HBP1: variants seen among roughly 807,000 people sequenced by gnomAD.
HBP1 encodes the protein HMG box-containing protein 1.
Under a neutral mutation model 62.6 loss-of-function variants are expected in HBP1, and 20 were observed. That is an observed-to-expected ratio of 0.32 (90% CI 0.22 to 0.46). The LOEUF is 0.46. HBP1 is among the 20% of genes least tolerant of loss of function. The pLI is 1.00. For missense variants in HBP1, 480 were observed against 611.8 expected (o/e 0.78, Z 2.27); for synonymous variants, 232 against 206.2 (o/e 1.12, Z -1.07).
At position 107,189,397 on chromosome 7, in the gene HBP1, T is replaced by A. The variant is rs1797540844; in HGVS notation, c.871T>A (p.Leu291Ile). The change falls in exon 7 of 11, where the codon TTA becomes ATA. Residue 291 changes from leucine (L) to isoleucine (I), a missense_variant. Leu to Ile is a conservative substitution (Grantham distance 5, BLOSUM62 2). Around this residue, in one of 4 missense-constraint regions of HBP1, gnomAD observed 58 missense variants for 128.5 expected, o/e 0.45. Coordinates refer to ENST00000222574, the MANE Select transcript of HBP1 (RefSeq NM_012257.4). The part of the protein sequence containing the change: ...TFDPGTVEDG[L>I]LTVECKLDHP... ...TGATCCTGGTACAGTAGAAGATGGTTTACTTACCGTAGAGTGTAAGCTGGA... is the reference window on the plus strand; with the variant it reads ...TGATCCTGGTACAGTAGAAGATGGTATACTTACCGTAGAGTGTAAGCTGGA... The A allele has an allele frequency of 6.2e-7, 1 of 1,612,862 alleles. No individual in the cohort carries two copies.
At chr7:107,197,292 GTTACCACA>G (rs1797957936) in intron 9 of HBP1, among the ~76,000 whole-genome samples, 1 of 152,124 alleles carries the variant, frequency 6.6e-6, no homozygotes, top group Non-Finnish European at 1.5e-5. Flanking sequence ...TCATTACTGT[GTTACCACA>G]GTAATGAATA....
intron 3 of HBP1, among the ~76,000 whole-genome samples, chr7:107,184,677 G>GT (rs1033908484): frequency 2.0e-5 from 3 of 152,116 alleles, no homozygotes; most frequent in Non-Finnish European, 2.9e-5. Context: ...TGCCTGGCTG[G>GT]TTTTTTGTAT....
At chr7:107,190,746 G>T (rs1200371138) in intron 8 of HBP1, among the ~76,000 whole-genome samples, 2 of 152,046 alleles carry the variant, frequency 1.3e-5, no homozygotes, top group Non-Finnish European at 2.9e-5. Context: ...TACTCATTTT[G>T]ACCAAGGGCA....
intron 9 of HBP1, 85 bp downstream of exon 9, chr7:107,196,236 T>A (rs544084493): frequency 1.2e-6 from 1 of 843,748 alleles, no homozygotes; most frequent in East Asian, 2.6e-5. Context: ...AGTAAACTTA[T>A]TCTTTAATAG....
chr7:107,179,771 CAA>C, intron 1 of HBP1, 106 bp from the exon 2 acceptor site: 4 of 595,106 alleles, frequency 6.7e-6, no homozygotes, highest in Non-Finnish European at 8.3e-6. Context: ...GACTATGTCT[CAA>C]AAAAAAAACA....
At position 107,196,002 on chromosome 7, in the gene HBP1, T is replaced by C. The variant is rs1394846108; in HGVS notation, c.1236T>C (p.Ser412=). 3 of 1,614,012 alleles carry C rather than the reference T, an allele frequency of 1.9e-6. No individual in the cohort carries two copies. The highest frequency in any genetic ancestry group is 4.5e-5 in the East Asian group (2 of 44,894). Residue 412 remains serine (S), a synonymous_variant, in exon 9 of 11, where the codon TCT becomes TCC. Transcript: ENST00000222574. ...GATCATCACAGCTCTCTTCCAATTC[T>C]TTGTATGCTAAAGCTGTCAAAAACC... is the stretch of plus-strand genomic sequence containing the variant. ...SPGSSQLSSN[S]LYAKAVKNHS...
chr7:107,197,119 C>T (rs1163902062), intron 9 of HBP1: 1 of 152,178 alleles, frequency 6.6e-6, no homozygotes, highest in African/African-American at 2.4e-5. Context: ...TCAAGTCCTT[C>T]CTACTCTGTT....
Position 107,171,069 on chromosome 7 carries a change from A to ATTTTT in HBP1, c.-16+1885_-16+1886insTTTTT, listed in dbSNP as rs1292839546. On this transcript the variant is annotated intron_variant, in intron 1 of 10. Transcript: ENST00000222574. ...TAAATATATATATATATATATATAT[A>ATTTTT]TATATTTTTTTTTTTTTTTGAGAGG... 2.8e-3 allele frequency among the ~76,000 whole-genome samples: 206 copies of ATTTTT among 72,366 alleles called. 33 individuals are homozygous for ATTTTT. The highest frequency in any genetic ancestry group is 0.019 in the African/African-American group (182 of 9,404). The allele number at this position is 72,366 out of a possible 152,430, so 47.5% of individuals were successfully genotyped here. A position where few individuals can be genotyped will look rare whatever the true frequency, so the allele number is the denominator to read the frequency against.
At chr7:107,190,135 T>C in intron 7 of HBP1, 38 bp from the exon 8 acceptor site, 1 of 1,538,346 alleles carries the variant, frequency 6.5e-7, no homozygotes, top group Non-Finnish European at 8.8e-7. Context: ...GTGCTTTCTG[T>C]GAGTCCTCAT....
In HBP1 at chr7:107,201,491, A is replaced by ACT; in HGVS notation, c.*61_*62dup. The ACT allele has an allele frequency of 3.8e-6, 4 of 1,064,770 alleles. No individual in the cohort carries two copies. The highest frequency in any genetic ancestry group is 5.8e-6 in the Non-Finnish European group (4 of 690,360). 66.0% of individuals were successfully genotyped at this position (1,064,770 alleles called of 1,614,324 possible). On this transcript the variant is annotated 3_prime_UTR_variant, in exon 11 of 11. Transcript: ENST00000222574. The stretch of plus-strand genomic sequence containing the variant: ...ATATACATTGACTCTTGATGGAAAG[A>ACT]CTTAAGAAGATCAAGGTCTCACCAT...
At chr7:107,174,788 G>A (rs1439657435) in intron 1 of HBP1, 11 of 719,380 alleles carry the variant, frequency 1.5e-5, no homozygotes, top group Non-Finnish European at 1.9e-5. Context: ...GGTTGACTGT[G>A]CAGCTCACAT....
At chr7:107,190,469 A>G (rs928644154) in intron 8 of HBP1, 152 bp downstream of exon 8, 4 of 574,672 alleles carry the variant, frequency 7.0e-6, no homozygotes, top group Admixed American at 6.7e-5. Flanking sequence ...ACATGAAAAC[A>G]TATTAGGTAA....
intron 8 of HBP1, among the ~76,000 whole-genome samples, chr7:107,193,753 GCAGTGTAGC>G (rs1797760582): frequency 6.6e-6 from 1 of 152,178 alleles, no homozygotes. Flanking sequence ...TGATTGAGAG[GCAGTGTAGC>G]CTGATAGGAA....
At chr7:107,189,476 C>CT (rs544592205) in intron 7 of HBP1, 28 bp downstream of exon 7, 29 of 1,546,324 alleles carry the variant, frequency 1.9e-5, no homozygotes, top group Non-Finnish European at 2.3e-5. Flanking sequence ...TTTGTAGTAA[C>CT]TTTTTTTAAA....
chr7:107,182,262 C>A, intron 2 of HBP1, 111 bp from the exon 3 acceptor site: 1 of 633,202 alleles, frequency 1.6e-6, no homozygotes, highest in East Asian at 2.7e-5. Context: ...TGATTTTCCT[C>A]TCTCAAAATT....
At chr7:107,173,284 G>C (rs189182857) in intron 1 of HBP1, among the ~76,000 whole-genome samples, 3 of 152,276 alleles carry the variant, frequency 2.0e-5, no homozygotes, top group African/African-American at 4.8e-5. Flanking sequence ...CAATTTGAGC[G>C]TGTAGTCTGG....
intron 1 of HBP1, among the ~76,000 whole-genome samples, chr7:107,178,329 G>T (rs531585530): frequency 6.6e-6 from 1 of 152,196 alleles, no homozygotes; most frequent in East Asian, 1.9e-4. Context: ...TTTAAAAAAT[G>T]GAATTTAGAC....
At position 107,169,101 on chromosome 7, in the gene HBP1, C is replaced by T. The variant is rs1254904134; in HGVS notation, c.-100C>T. 7.8e-7 allele frequency: 1 copy of T among 1,280,208 alleles called. No homozygotes were observed. 79.3% of individuals were successfully genotyped at this position (1,280,208 alleles called of 1,614,324 possible). On this transcript the variant is annotated 5_prime_UTR_variant, in exon 1 of 11. Transcript: ENST00000222574. ...TAACCCGCGCGGGGGAGGCCGACGT[C>T]GGTCGGAGAGGGGGTACGAGAGCTG... is the stretch of plus-strand genomic sequence containing the variant.
intron 4 of HBP1, among the ~76,000 whole-genome samples, 195 bp from the exon 5 acceptor site, chr7:107,186,166 C>CTTTTTTTTTTT (rs80124304): frequency 4.3e-4 from 50 of 116,048 alleles, no homozygotes; most frequent in Middle Eastern, 5.3e-3. Context: ...CTTTTTTTTT[C>CTTTTTTTTTTT]TTTTTTTTTT....
Sources: gnomAD v4.1 joint callset for allele counts (sites outside exome capture counted in the v4.1 genomes callset) on GRCh38, gnomAD v4.1.1 for gene constraint, gnomAD v4.1.1 regional missense constraint, MANE v1.5 for transcripts, NCBI Gene and HGNC (gene_info 2026-07-23, HGNC 2026-07-21) for gene names.